ARMC3: variants seen among roughly 807,000 people sequenced by gnomAD.
ARMC3 encodes armadillo repeat-containing protein 3.
Under a neutral mutation model 90.3 loss-of-function variants are expected in ARMC3, and 74 were observed. The ratio of observed to expected loss-of-function variants is 0.82; its 90% CI spans 0.68 to 0.99. The LOEUF (loss-of-function observed/expected upper bound fraction) is 0.99. ARMC3 is among the 50% of genes least tolerant of loss of function. ARMC3 has a pLI of 0.00. For missense variants in ARMC3, 958 were observed against 1,042.8 expected (o/e 0.92, Z 1.12); for synonymous variants, 334 against 361.8 (o/e 0.92, Z 0.87).
intron 16 of ARMC3, among the ~76,000 whole-genome samples, chr10:23,024,789 T>C (rs1838651906): frequency 1.3e-5 from 2 of 152,110 alleles, no homozygotes; most frequent in African/African-American, 4.8e-5. Flanking sequence ...TAAAAACCAA[T>C]TGAAAGACAG....
chr10:23,013,855 C>CT (rs68155467), intron 16 of ARMC3, among the ~76,000 whole-genome samples: 37 of 148,988 alleles, frequency 2.5e-4, no homozygotes, highest in Admixed American at 6.1e-4. Flanking sequence ...TGGGACCACG[C>CT]TTTTTTTTTT....
intron 12 of ARMC3, 93 bp downstream of exon 12, chr10:23,002,148 T>G (rs949865840): frequency 6.7e-7 from 1 of 1,488,782 alleles, no homozygotes. Flanking sequence ...AAGCCAAGTC[T>G]CCGCTGCTCT....
At chr10:22,960,576 G>T (rs963633575) in intron 6 of ARMC3, 16 of 152,012 alleles carry the variant, frequency 1.1e-4, no homozygotes, top group African/African-American at 3.1e-4. Context: ...AAATATTCCT[G>T]TGTGTTTGTG....
intron 7 of ARMC3, among the ~76,000 whole-genome samples, chr10:22,963,541 C>G (rs1472742145): frequency 1.3e-5 from 2 of 151,870 alleles, no homozygotes; most frequent in East Asian, 3.9e-4. Flanking sequence ...TCAGCATTGT[C>G]CTGGAAGTTG....
chr10:23,030,854 ACAT>A (rs754287606), intron 17 of ARMC3, 58 bp downstream of exon 17: 71 of 1,557,124 alleles, frequency 4.6e-5, no homozygotes, highest in Non-Finnish European at 6.2e-5. Context: ...AGTGTCATAT[ACAT>A]TTTAGCCATG....
Position 23,037,584 on chromosome 10 carries a change from A to G in ARMC3, c.*105A>G, listed in dbSNP as rs1839169249. 5 of 1,030,640 alleles carry G rather than the reference A, an allele frequency of 4.9e-6. No individual in the cohort carries two copies. In the South Asian group the frequency reaches 1.0e-4, roughly 21 times the overall value. 63.8% of individuals were successfully genotyped at this position (1,030,640 alleles called of 1,614,324 possible). ...ATCTCTTTAAATAAAAACTTTAAAT[A>G]AAAGTATTAGAAATGTTTTCTCTGC... On this transcript the variant is annotated 3_prime_UTR_variant, in exon 19 of 19. Transcript: ENST00000298032.
At chr10:22,992,928 A>T (rs1040043181) in intron 10 of ARMC3, among the ~76,000 whole-genome samples, 3 of 151,906 alleles carry the variant, frequency 2.0e-5, no homozygotes, top group Admixed American at 6.6e-5. Context: ...TGCTGCGTAC[A>T]CACCGCCCCT....
chr10:22,994,968 C>G (rs143381511), intron 10 of ARMC3, among the ~76,000 whole-genome samples: 3 of 152,296 alleles, frequency 2.0e-5, no homozygotes, highest in East Asian at 3.9e-4. Context: ...TGATTAAACT[C>G]CAACTGGATG....
chr10:23,032,884 G>C lies in ARMC3; in HGVS notation c.2270G>C (p.Gly757Ala), dbSNP rs1427225696. ...AGGTATGTAGCAGAAAAAATGGGTG[G>C]TAAGATTCCAAAAGAGAAACTACCT... is the stretch of plus-strand genomic sequence containing the variant. ...LAKYVAEKMG[G>A]KIPKEKLPDF... The change falls in exon 18 of 19, where the codon GGT (glycine) becomes GCT (alanine). Residue 757 changes from glycine (G) to alanine (A), a missense_variant. Physicochemically the swap from Gly to Ala is moderately conservative, Grantham distance 60. Coordinates refer to ENST00000298032, the MANE Select transcript of ARMC3 (RefSeq NM_173081.5). 6.2e-7 allele frequency: 1 copy of C among 1,612,186 alleles called. No individual in the cohort carries two copies. Among genetic ancestry groups the C allele is most frequent in the East Asian group, 2.2e-5 (1 of 44,688 alleles).
Position 22,935,516 on chromosome 10 carries a change from G to A in ARMC3, c.48+3472G>A, listed in dbSNP as rs188792915. On this transcript the variant is annotated intron_variant, in intron 2 of 18. Coordinates refer to ENST00000298032, the MANE Select transcript of ARMC3 (RefSeq NM_173081.5). ...ATATTCTAGAAGCCTATGGCCACTC[G>A]AATTGACTGGGCTTAGAATTCAAAG... Among the ~76,000 whole-genome samples the A allele has an allele frequency of 1.4e-3, 212 of 152,144 alleles. 1 individual carries two copies. The highest frequency in any genetic ancestry group is 4.9e-3 in the African/African-American group (203 of 41,508).
intron 10 of ARMC3, among the ~76,000 whole-genome samples, chr10:22,985,502 C>T (rs1389415841): frequency 1.3e-5 from 2 of 152,160 alleles, no homozygotes; most frequent in South Asian, 4.1e-4. Context: ...CAAATCCTTC[C>T]TTTCTGTCCA....
intron 1 of ARMC3, among the ~76,000 whole-genome samples, chr10:22,929,961 A>T (rs1200618130): frequency 6.6e-6 from 1 of 152,242 alleles, no homozygotes; most frequent in Non-Finnish European, 1.5e-5. Context: ...AATTGCTCAA[A>T]AACACTATCC....
At chr10:22,987,522 T>A (rs1347067788) in intron 10 of ARMC3, among the ~76,000 whole-genome samples, 1 of 152,202 alleles carries the variant, frequency 6.6e-6, no homozygotes, top group African/African-American at 2.4e-5. Context: ...GCTAGACAGT[T>A]TTCAAAAGAT....
At chr10:22,999,911 G>T (rs1012903640) in intron 11 of ARMC3, among the ~76,000 whole-genome samples, 1 of 152,166 alleles carries the variant, frequency 6.6e-6, no homozygotes. Context: ...CTGCGTGCCA[G>T]GTGCTCTGCT....
chr10:22,955,675 G>C, intron 3 of ARMC3, 132 bp from the exon 4 acceptor site: 1 of 1,098,480 alleles, frequency 9.1e-7, no homozygotes, highest in Non-Finnish European at 1.3e-6. Flanking sequence ...AGTTTATTCT[G>C]AGGGAAATAC....
chr10:22,972,396 G>T (rs1417681581), intron 8 of ARMC3, among the ~76,000 whole-genome samples: 9 of 152,014 alleles, frequency 5.9e-5, no homozygotes, highest in African/African-American at 1.9e-4. Flanking sequence ...TCTTTTTCAT[G>T]TAGACATAAA....
chr10:22,946,034 C>T, intron 2 of ARMC3, 110 bp from the exon 3 acceptor site: 2 of 733,054 alleles, frequency 2.7e-6, no homozygotes, highest in Non-Finnish European at 2.2e-6. Context: ...GGGCAGTGAC[C>T]ACATCCTTTT....
chr10:22,933,754 A>G (rs1362353204), intron 2 of ARMC3, among the ~76,000 whole-genome samples: 6 of 152,224 alleles, frequency 3.9e-5, no homozygotes, highest in South Asian at 2.1e-4. Context: ...GGGTGGTGGC[A>G]GGCGCTGGTA....
At position 22,981,536 on chromosome 10, in the gene ARMC3, C is replaced by T. The variant is rs190869927; in HGVS notation, c.1069+44C>T. The T allele has an allele frequency of 7.4e-6, 12 of 1,612,766 alleles. No individual in the cohort carries two copies. In the Admixed American group the frequency reaches 8.3e-5, roughly 11 times the overall value. ...ATTCTTTTGAGCATTTTTAGGTTACCGTATTTTAGTGCACATGGGCATTTT... is the reference window on the plus strand; with the variant it reads ...ATTCTTTTGAGCATTTTTAGGTTACTGTATTTTAGTGCACATGGGCATTTT... On this transcript the variant is annotated intron_variant, in intron 9 of 18. Transcript: ENST00000298032.
Sources: gnomAD v4.1 joint callset for allele counts (sites outside exome capture counted in the v4.1 genomes callset) on GRCh38, gnomAD v4.1.1 for gene constraint, MANE v1.5 for transcripts, NCBI Gene and HGNC (gene_info 2026-07-23, HGNC 2026-07-21) for gene names.